Variants in GPATCH2 observed in about 807,000 individuals in gnomAD.
GPATCH2 encodes G patch domain-containing protein 2.
GPATCH2 carries 51 observed loss-of-function variants against 58.0 expected under a neutral mutation model. The observed-to-expected ratio is 0.88, with a 90% confidence interval of 0.70 to 1.11. GPATCH2 has a LOEUF of 1.11. GPATCH2 is among the 50% of genes most tolerant of loss of function. The pLI is 0.00. For synonymous variants in GPATCH2, 222 were observed against 218.5 expected (o/e 1.02, Z -0.14); for missense variants, 625 against 652.2 (o/e 0.96, Z 0.45).
chr1:217,516,238 A>C (rs1465399404), intron 5 of GPATCH2, among the ~76,000 whole-genome samples: 4 of 152,156 alleles, frequency 2.6e-5, no homozygotes, highest in African/African-American at 4.8e-5. Context: ...TTTTAAAAAA[A>C]AACCCTCTGT....
At chr1:217,494,122 C>T (rs1661889911) in intron 7 of GPATCH2, among the ~76,000 whole-genome samples, 1 of 152,160 alleles carries the variant, frequency 6.6e-6, no homozygotes, top group Non-Finnish European at 1.5e-5. Flanking sequence ...GATGTTATAG[C>T]TCCTTTTATT....
chr1:217,472,296 CTTTTTTTTTTT>C (rs11326840), intron 8 of GPATCH2, among the ~76,000 whole-genome samples: 1 of 90,018 alleles, frequency 1.1e-5, no homozygotes, highest in Non-Finnish European at 2.1e-5. Context: ...TTTCAACAGA[CTTTTTTTTTTT>C]TTTTTTTTTT....
intron 5 of GPATCH2, among the ~76,000 whole-genome samples, chr1:217,597,575 C>A (rs1046694904): frequency 6.6e-6 from 1 of 152,128 alleles, no homozygotes; most frequent in Non-Finnish European, 1.5e-5. Flanking sequence ...GATCCCATTT[C>A]TCAGCCCATC....
intron 8 of GPATCH2, among the ~76,000 whole-genome samples, chr1:217,469,537 T>C (rs1011456462): frequency 1.3e-4 from 20 of 152,150 alleles, no homozygotes; most frequent in African/African-American, 4.8e-4. Flanking sequence ...TTTAAAAACA[T>C]AGTTATAACT....
At position 217,558,762 on chromosome 1, in the gene GPATCH2, A is replaced by G. The variant is rs549474538; in HGVS notation, c.1099-43873T>C. Among the ~76,000 whole-genome samples, 33 of 152,344 alleles carry G rather than the reference A, an allele frequency of 2.2e-4. 1 individual carries two copies. The South Asian group carries it at 6.8e-3, about 32-fold the overall frequency. On this transcript the variant is annotated intron_variant, in intron 5 of 9. Coordinates refer to ENST00000366935, the MANE Select transcript of GPATCH2 (RefSeq NM_018040.5). The stretch of plus-strand genomic sequence containing the variant: ...CCAGGAGTTGAGAGCAGCCTGGGCA[A>G]CAGAGTGAGACCTGTTCTACAAAAG...
chr1:217,520,862 G>A (rs116560729), intron 5 of GPATCH2, among the ~76,000 whole-genome samples: 3,997 of 152,034 alleles, frequency 0.026, 76 homozygotes, highest in East Asian at 0.076. Flanking sequence ...TTTGAGACAA[G>A]GTCTTGTTCT....
chr1:217,480,483 G>C (rs1379124510), intron 8 of GPATCH2, among the ~76,000 whole-genome samples: 1 of 152,062 alleles, frequency 6.6e-6, no homozygotes, highest in South Asian at 2.1e-4. Flanking sequence ...ATCCAAATGA[G>C]GTAATAACGA....
chr1:217,489,786 C>G (rs1374487886), intron 8 of GPATCH2, among the ~76,000 whole-genome samples: 1 of 152,196 alleles, frequency 6.6e-6, no homozygotes, highest in South Asian at 2.1e-4. Flanking sequence ...TGCTTGAACC[C>G]GAGAGGCGGA....
intron 7 of GPATCH2, chr1:217,494,922 G>A (rs1349082522): frequency 6.3e-6 from 1 of 158,964 alleles, no homozygotes; most frequent in Non-Finnish European, 1.3e-5. Context: ...TCCTATCAGT[G>A]TCACAAGTGA....
intron 5 of GPATCH2, among the ~76,000 whole-genome samples, chr1:217,525,564 G>C (rs1421361435): frequency 6.6e-6 from 1 of 151,890 alleles, no homozygotes; most frequent in Non-Finnish European, 1.5e-5. Flanking sequence ...GAAAATAAAA[G>C]CCAGAAAGTA....
At chr1:217,471,561 C>T (rs1421456045) in intron 8 of GPATCH2, among the ~76,000 whole-genome samples, 4 of 152,136 alleles carry the variant, frequency 2.6e-5, no homozygotes, top group African/African-American at 9.7e-5. Flanking sequence ...CTATCTGTTA[C>T]ATCTGCAACA....
Position 217,566,639 on chromosome 1 carries a change from C to T in GPATCH2, c.1098+43682G>A, listed in dbSNP as rs191333342. Among the ~76,000 whole-genome samples the T allele has an allele frequency of 1.1e-4, 17 of 152,248 alleles. 1 individual carries two copies. Among genetic ancestry groups the T allele is most frequent in the Admixed American group, 9.8e-4 (15 of 15,292 alleles). ...AAATATCCATTCCTTTGTTTACTTT[C>T]CTTCATTATTCTTCTAACCAGTTTG... is the stretch of plus-strand genomic sequence containing the variant. On this transcript the variant is annotated intron_variant, in intron 5 of 9. Coordinates refer to ENST00000366935, the MANE Select transcript of GPATCH2 (RefSeq NM_018040.5).
At position 217,449,270 on chromosome 1, in the gene GPATCH2, A is replaced by G. The variant is rs1253576461; in HGVS notation, c.1345T>C (p.Leu449=). 1 of 1,603,714 alleles carries G rather than the reference A, an allele frequency of 6.2e-7. No homozygotes were observed. Among genetic ancestry groups the G allele is most frequent in the Non-Finnish European group, 8.5e-7 (1 of 1,170,484 alleles). ...TTACCTGCAGTAGTAGGTCCAGGCA[A>G]AGGTGCAGCTTTTCTTCTCCGTTTG... The part of the protein sequence containing the change: ...DIKRRRKAAP[L]PGPTTAGFVG... The change falls in exon 9 of 10, where the codon TTG becomes CTG. Residue 449 remains leucine (L), a synonymous_variant. Coordinates refer to ENST00000366935, the MANE Select transcript of GPATCH2 (RefSeq NM_018040.5).
chr1:217,545,366 G>A (rs996240389), intron 5 of GPATCH2, among the ~76,000 whole-genome samples: 11 of 152,160 alleles, frequency 7.2e-5, no homozygotes, highest in African/African-American at 2.7e-4. Context: ...ATGACTGGCT[G>A]GTAAGATCTT....
At chr1:217,588,833 T>A (rs1667458009) in intron 5 of GPATCH2, among the ~76,000 whole-genome samples, 1 of 152,148 alleles carries the variant, frequency 6.6e-6, no homozygotes, top group Non-Finnish European at 1.5e-5. Flanking sequence ...AGATAACAAT[T>A]TCATGGAGAG....
At chr1:217,521,805 T>A (rs916702987) in intron 5 of GPATCH2, among the ~76,000 whole-genome samples, 6 of 151,808 alleles carry the variant, frequency 4.0e-5, no homozygotes, top group Admixed American at 1.3e-4. Context: ...AAAAAAAAAA[T>A]AGCCAAAGAT....
At chr1:217,613,401 A>T (rs1405686785) in intron 3 of GPATCH2, among the ~76,000 whole-genome samples, 1 of 152,106 alleles carries the variant, frequency 6.6e-6, no homozygotes, top group Non-Finnish European at 1.5e-5. Flanking sequence ...TTCACTTGGA[A>T]CTTACTGTCT....
chr1:217,489,632 G>A (rs929902540), intron 8 of GPATCH2, among the ~76,000 whole-genome samples: 2 of 152,216 alleles, frequency 1.3e-5, no homozygotes, highest in Admixed American at 6.5e-5. Context: ...GGAGGCCAAG[G>A]CAAGCAGATC....
intron 5 of GPATCH2, among the ~76,000 whole-genome samples, chr1:217,606,914 A>T (rs552680148): frequency 6.6e-5 from 10 of 152,084 alleles, no homozygotes; most frequent in African/African-American, 2.4e-4. Context: ...TGCATACACA[A>T]TCTCATTTAA....
Sources: gnomAD v4.1 joint callset for allele counts (sites outside exome capture counted in the v4.1 genomes callset) on GRCh38, gnomAD v4.1.1 for gene constraint, MANE v1.5 for transcripts, NCBI Gene and HGNC (gene_info 2026-07-23, HGNC 2026-07-21) for gene names.